The following FANCL variants were observed in gnomAD, a reference collection of about 807,000 sequenced individuals.
FANCL encodes the protein FA complementation group L.
In FANCL, 69 loss-of-function variants were observed where a neutral mutation model predicts 59.4. The ratio of observed to expected loss-of-function variants is 1.16; its 90% CI spans 0.96 to 1.42. The LOEUF is 1.42. Ranked by LOEUF, FANCL falls within the 40% of genes most tolerant of loss-of-function variation. The pLI, the probability that FANCL is intolerant of heterozygous loss-of-function variation, is 0.00. For synonymous variants in FANCL, 180 were observed against 147.1 expected (o/e 1.22, Z -1.62); for missense variants, 519 against 447.2 (o/e 1.16, Z -1.45).
chr2:58,215,076 A>G (rs1691577704), intron 5 of FANCL, among the ~76,000 whole-genome samples: 1 of 152,218 alleles, frequency 6.6e-6, no homozygotes, highest in African/African-American at 2.4e-5. Flanking sequence ...CTACATTTCC[A>G]ACTATGCTCT....
intron 1 of FANCL, among the ~76,000 whole-genome samples, chr2:58,237,529 T>C (rs568432211): frequency 5.3e-5 from 8 of 152,124 alleles, no homozygotes; most frequent in Admixed American, 4.6e-4. Flanking sequence ...ATATCAATAA[T>C]CTTCCATCTA....
At chr2:58,228,213 A>G (rs1450277711) in intron 3 of FANCL, among the ~76,000 whole-genome samples, 1 of 152,234 alleles carries the variant, frequency 6.6e-6, no homozygotes, top group Non-Finnish European at 1.5e-5. Context: ...AAAAGGAAAT[A>G]ATCTCTAAAG....
At chr2:58,184,203 T>C (rs1163421379) in intron 7 of FANCL, among the ~76,000 whole-genome samples, 1 of 152,068 alleles carries the variant, frequency 6.6e-6, no homozygotes, top group Non-Finnish European at 1.5e-5. Context: ...AATATAAATG[T>C]CTATTTATAT....
At chr2:58,185,349 G>T (rs1304131783) in intron 7 of FANCL, among the ~76,000 whole-genome samples, 2 of 152,040 alleles carry the variant, frequency 1.3e-5, no homozygotes, top group Non-Finnish European at 2.9e-5. Flanking sequence ...TCCATGAAAA[G>T]ATCTGTATTT....
chr2:58,238,460 T>C (rs967084066), intron 1 of FANCL, among the ~76,000 whole-genome samples: 2 of 152,192 alleles, frequency 1.3e-5, no homozygotes, highest in African/African-American at 4.8e-5. Context: ...GAGAGCATCA[T>C]TACAGATCCT....
At chr2:58,206,279 T>C (rs190565723) in intron 5 of FANCL, among the ~76,000 whole-genome samples, 2 of 152,272 alleles carry the variant, frequency 1.3e-5, no homozygotes, top group Admixed American at 1.3e-4. Context: ...TTTTCATTAA[T>C]CAGTTCATAA....
chr2:58,201,923 G>T (rs1379505317), intron 6 of FANCL, among the ~76,000 whole-genome samples: 1 of 151,418 alleles, frequency 6.6e-6, no homozygotes. Flanking sequence ...AGAAATAAAG[G>T]TTTGTGTATT....
chr2:58,215,112 T>C (rs1343140060), intron 5 of FANCL, among the ~76,000 whole-genome samples: 1 of 152,208 alleles, frequency 6.6e-6, no homozygotes, highest in African/African-American at 2.4e-5. Flanking sequence ...ACATTAAGCA[T>C]CTGAAGATAA....
In FANCL at chr2:58,164,957, C is replaced by A. The variant is rs185474011; in HGVS notation, c.691+767G>T. ...CTAGGTATAAAGTATAAAAATTGCTCACTAACTTGGATGTGATTCACATCA... is the reference window on the plus strand; with the variant it reads ...CTAGGTATAAAGTATAAAAATTGCTAACTAACTTGGATGTGATTCACATCA... On this transcript the variant is annotated intron_variant, in intron 8 of 13. Coordinates refer to ENST00000233741, the MANE Select transcript of FANCL (RefSeq NM_018062.4). Among the ~76,000 whole-genome samples, 197 of 152,116 alleles carry A rather than the reference C, an allele frequency of 1.3e-3. 2 individuals carry two copies. The highest frequency in any genetic ancestry group is 4.6e-3 in the African/African-American group (191 of 41,538).
chr2:58,219,837 T>C (rs1421192796), intron 5 of FANCL, among the ~76,000 whole-genome samples: 3 of 152,278 alleles, frequency 2.0e-5, no homozygotes, highest in East Asian at 1.9e-4. Context: ...ATGACTTTTC[T>C]AGCATCTGAA....
intron 7 of FANCL, among the ~76,000 whole-genome samples, chr2:58,177,081 A>T (rs578089612): frequency 6.6e-6 from 1 of 152,358 alleles, no homozygotes; most frequent in Admixed American, 6.5e-5. Flanking sequence ...CCACAACGAG[A>T]TATCATCTCA....
chr2:58,218,606 A>G (rs1193433818), intron 5 of FANCL, among the ~76,000 whole-genome samples: 4 of 151,602 alleles, frequency 2.6e-5, no homozygotes, highest in South Asian at 2.1e-4. Context: ...AAATGAGTGA[A>G]GCCTATAAAG....
intron 3 of FANCL, among the ~76,000 whole-genome samples, chr2:58,229,197 A>G (rs921480857): frequency 1.3e-5 from 2 of 152,200 alleles, no homozygotes; most frequent in African/African-American, 4.8e-5. Flanking sequence ...CAAATGCATA[A>G]AGCATAAAAA....
At chr2:58,160,221 A>G (rs747594960) in intron 12 of FANCL, 42 bp from the exon 13 acceptor site, 1 of 1,576,982 alleles carries the variant, frequency 6.3e-7, no homozygotes, top group Non-Finnish European at 8.7e-7. Flanking sequence ...CAGCATGATT[A>G]CAAATTACAG....
intron 7 of FANCL, among the ~76,000 whole-genome samples, chr2:58,177,748 T>C (rs1051321235): frequency 4.0e-5 from 6 of 151,036 alleles, no homozygotes; most frequent in Non-Finnish European, 8.8e-5. Flanking sequence ...AACCTGCACA[T>C]TGTGCACATG....
intron 12 of FANCL, among the ~76,000 whole-genome samples, chr2:58,160,543 A>T (rs529590085): frequency 1.8e-4 from 27 of 152,180 alleles, no homozygotes. Flanking sequence ...ATTAATCACA[A>T]ATTAACAACT....
At chr2:58,213,973 G>A (rs1397947026) in intron 5 of FANCL, among the ~76,000 whole-genome samples, 4 of 152,172 alleles carry the variant, frequency 2.6e-5, no homozygotes, top group Non-Finnish European at 4.4e-5. Context: ...ACTCTAGGGA[G>A]CATCATTCAC....
intron 7 of FANCL, among the ~76,000 whole-genome samples, chr2:58,197,780 TAAA>T (rs1253236712): frequency 2.0e-5 from 3 of 152,114 alleles, no homozygotes; most frequent in African/African-American, 7.2e-5. Context: ...TTTAAAACAA[TAAA>T]AATGGAGTAG....
intron 7 of FANCL, among the ~76,000 whole-genome samples, chr2:58,172,704 A>G (rs1686788510): frequency 6.6e-6 from 1 of 152,162 alleles, no homozygotes; most frequent in African/African-American, 2.4e-5. Flanking sequence ...GACCAGAAAA[A>G]CTGGAAACTC....
Sources: gnomAD v4.1 joint callset for allele counts (sites outside exome capture counted in the v4.1 genomes callset) on GRCh38, gnomAD v4.1.1 for gene constraint, MANE v1.5 for transcripts, NCBI Gene and HGNC (gene_info 2026-07-23, HGNC 2026-07-21) for gene names.